Variants in PAXBP1 observed in about 807,000 individuals in gnomAD.
PAXBP1 encodes PAX3 and PAX7 binding protein 1.
A neutral mutation model predicts 119.9 loss-of-function variants in PAXBP1; 44 were observed. That is an observed-to-expected ratio of 0.37 (90% confidence interval 0.29 to 0.47). The LOEUF (loss-of-function observed/expected upper bound fraction) is 0.47. Among genes scored for constraint, PAXBP1 ranks in the 20% least tolerant of loss-of-function variants. PAXBP1 has a pLI of 0.99. For synonymous variants in PAXBP1, 393 were observed against 406.6 expected, an observed-to-expected ratio of 0.97 and a Z score of 0.40; for missense variants, 898 against 1,134.1, an observed-to-expected ratio of 0.79 and a Z score of 2.99.
At chr21:32,736,437 T>C (rs1228027354) in intron 17 of PAXBP1, among the ~76,000 whole-genome samples, 1 of 152,212 alleles carries the variant, frequency 6.6e-6, no homozygotes, top group Non-Finnish European at 1.5e-5. Context: ...TCCACCTGCC[T>C]CAGCCTCCCA....
intron 11 of PAXBP1, among the ~76,000 whole-genome samples, chr21:32,745,987 G>C (rs756738100): frequency 6.6e-6 from 1 of 152,114 alleles, no homozygotes; most frequent in Non-Finnish European, 1.5e-5. Flanking sequence ...TCTGATCTCC[G>C]ACAAACCTGA....
intron 8 of PAXBP1, 57 bp downstream of exon 8, chr21:32,755,173 T>G: frequency 6.6e-7 from 1 of 1,508,864 alleles, no homozygotes; most frequent in Non-Finnish European, 8.9e-7. Context: ...TCAATTAGGC[T>G]GCACTAAGTA....
In PAXBP1 at chr21:32,743,418, A is replaced by C. The variant is rs556552672; in HGVS notation, c.2268-104T>G. On this transcript the variant is annotated intron_variant, in intron 14 of 17. Coordinates refer to ENST00000331923, the MANE Select transcript of PAXBP1 (RefSeq NM_016631.4). ...TTCTACAAAACAGGTAAACAAAATA[A>C]ATTTTTAATTTTTCAAATAATTGCA... The C allele has an allele frequency of 4.9e-6, 4 of 815,504 alleles. No homozygotes were observed. In the Admixed American group the frequency reaches 1.0e-4, roughly 21 times the overall value. The allele number at this position is 815,504 out of a possible 1,614,324, so 50.5% of individuals were successfully genotyped here. A position where few individuals can be genotyped will look rare whatever the true frequency, so the allele number is the denominator to read the frequency against.
Position 32,761,176 on chromosome 21 carries a change from C to T in PAXBP1, c.872-14G>A. On this transcript the variant is annotated splice_polypyrimidine_tract_variant and intron_variant, in intron 4 of 17. Coordinates refer to ENST00000331923, the MANE Select transcript of PAXBP1 (RefSeq NM_016631.4). ...TCCCCTCAATTCCTACAGCCATGAG[C>T]AACAAAGAAAAGTAAGTAACACCCA... The T allele has an allele frequency of 1.2e-6, 2 of 1,605,244 alleles. No individual in the cohort carries two copies. Among genetic ancestry groups the T allele is most frequent in the Non-Finnish European group, 1.7e-6 (2 of 1,173,746 alleles).
At chr21:32,738,363 A>G in intron 15 of PAXBP1, 44 bp from the exon 16 acceptor site, 1 of 1,491,506 alleles carries the variant, frequency 6.7e-7, no homozygotes, top group Non-Finnish European at 9.0e-7. Flanking sequence ...CAATTAGATT[A>G]GGTACAAAGT....
intron 11 of PAXBP1, among the ~76,000 whole-genome samples, chr21:32,748,293 C>CAAAAAAA (rs1282593191): frequency 6.6e-6 from 1 of 151,658 alleles, no homozygotes; most frequent in Non-Finnish European, 1.5e-5. Context: ...ACAACAACAA[C>CAAAAAAA]AAAAAAAACA....
intron 2 of PAXBP1, among the ~76,000 whole-genome samples, chr21:32,764,846 C>T (rs1320752833): frequency 6.6e-6 from 1 of 152,202 alleles, no homozygotes; most frequent in Non-Finnish European, 1.5e-5. Flanking sequence ...TCAAAATTAA[C>T]TGTTTTTTCT....
chr21:32,741,978 C>A (rs756420146), intron 15 of PAXBP1, among the ~76,000 whole-genome samples: 2 of 152,188 alleles, frequency 1.3e-5, no homozygotes, highest in Non-Finnish European at 2.9e-5. Flanking sequence ...CACAGCAAGG[C>A]TGAACCTCAA....
intron 2 of PAXBP1, among the ~76,000 whole-genome samples, chr21:32,768,339 C>G (rs567439500): frequency 6.6e-6 from 1 of 152,302 alleles, no homozygotes; most frequent in East Asian, 1.9e-4. Flanking sequence ...TATAAATTAC[C>G]TAGTCTGTAG....
At chr21:32,767,563 G>A (rs952899928) in intron 2 of PAXBP1, among the ~76,000 whole-genome samples, 8 of 152,272 alleles carry the variant, frequency 5.3e-5, no homozygotes, top group African/African-American at 1.9e-4. Flanking sequence ...TGTTGTGGAA[G>A]GGACCCAGGA....
At position 32,758,319 on chromosome 21, in the gene PAXBP1, AT is replaced by A. The variant is rs144075519; in HGVS notation, c.1383+760del. 2.5e-3 allele frequency among the ~76,000 whole-genome samples: 363 copies of A among 147,282 alleles called. 1 individual carries two copies. Among genetic ancestry groups the A allele is most frequent in the African/African-American group, 5.3e-3 (214 of 40,382 alleles). On this transcript the variant is annotated intron_variant, in intron 7 of 17. Transcript: ENST00000331923. ...AGGATATTTAAGGACCACAGTTTTAATTTTTTTTTTTTTAAAGATAAGGCTG... is the reference window on the plus strand; with the variant it reads ...AGGATATTTAAGGACCACAGTTTTAATTTTTTTTTTTTAAAGATAAGGCTG...
chr21:32,753,496 C>T (rs180691584), intron 8 of PAXBP1, among the ~76,000 whole-genome samples: 3 of 151,180 alleles, frequency 2.0e-5, no homozygotes, highest in Non-Finnish European at 1.5e-5. Context: ...AAAATGTGCA[C>T]TGGAGGAGAC....
intron 7 of PAXBP1, among the ~76,000 whole-genome samples, chr21:32,758,644 T>TAAA (rs138934420): frequency 1.9e-5 from 2 of 104,100 alleles, no homozygotes; most frequent in Non-Finnish European, 3.9e-5. Flanking sequence ...TCATCCAGGG[T>TAAA]AAAAAAAAAA....
In PAXBP1 at chr21:32,738,227, G is replaced by A. The variant is rs1233743544; in HGVS notation, c.2427C>T (p.Leu809=). 7 of 1,601,852 alleles carry A rather than the reference G, an allele frequency of 4.4e-6. No individual in the cohort carries two copies. In the Admixed American group the frequency reaches 1.1e-4, roughly 24 times the overall value. The change falls in exon 16 of 18, where the codon CTC becomes CTT. Residue 809 remains leucine (L), a synonymous_variant. Coordinates refer to ENST00000331923, the MANE Select transcript of PAXBP1 (RefSeq NM_016631.4). ...CATATTCTGAATTCTGAAAAGCCAT[G>A]AGAATATATCGATTTAATAAACCAT... The part of the protein sequence containing the change: ...SIDGLLNRYI[L]MAFQNSEYGD...
At chr21:32,765,200 G>C (rs1382624200) in intron 2 of PAXBP1, among the ~76,000 whole-genome samples, 2 of 152,146 alleles carry the variant, frequency 1.3e-5, no homozygotes, top group Non-Finnish European at 1.5e-5. Context: ...GAAACTAAAG[G>C]CTACATGAAT....
intron 6 of PAXBP1, 149 bp from the exon 7 acceptor site, chr21:32,759,418 T>C (rs1302597592): frequency 1.1e-6 from 1 of 873,202 alleles, no homozygotes; most frequent in African/African-American, 1.7e-5. Context: ...CTGCTTTTTT[T>C]CTCAAAAAAC....
chr21:32,743,693 G>A lies in PAXBP1; in HGVS notation c.2252C>T (p.Pro751Leu). The change falls in exon 14 of 18, where the codon CCC becomes CTC. Residue 751 changes from proline to leucine, a missense_variant. Physicochemically the swap from Pro to Leu is moderately conservative, Grantham distance 98. Coordinates refer to ENST00000331923, the MANE Select transcript of PAXBP1 (RefSeq NM_016631.4). ...AGTTACTTACTTTTTGGGATATAAG[G>A]GCATAAATACATCATCATCTAAAGT... ...RRTLDDDVFMPLYPKNVLENK... is the reference protein window; with the variant it reads ...RRTLDDDVFMLLYPKNVLENK... The A allele has an allele frequency of 6.3e-7, 1 of 1,589,582 alleles. No individual in the cohort carries two copies. The highest frequency in any genetic ancestry group is 8.6e-7 in the Non-Finnish European group (1 of 1,160,694).
chr21:32,747,018 G>A (rs2043883656), intron 11 of PAXBP1, among the ~76,000 whole-genome samples: 1 of 151,330 alleles, frequency 6.6e-6, no homozygotes, highest in Non-Finnish European at 1.5e-5. Flanking sequence ...TCTCGCAAGT[G>A]GGAGCTGAAC....
chr21:32,750,842 T>C, intron 10 of PAXBP1, 75 bp downstream of exon 10: 4 of 1,094,638 alleles, frequency 3.7e-6, no homozygotes, highest in Non-Finnish European at 4.0e-6. Flanking sequence ...AAGATTCAAA[T>C]CATTTCATGG....
Sources: allele counts gnomAD v4.1 joint callset (sites outside exome capture counted in the v4.1 genomes callset), GRCh38; gene constraint gnomAD v4.1.1; transcripts MANE v1.5; gene names NCBI Gene and HGNC (gene_info 2026-07-23, HGNC 2026-07-21).